DNER: variants seen among roughly 807,000 people sequenced by gnomAD.
The protein encoded by DNER is delta and Notch-like epidermal growth factor-related receptor.
A neutral mutation model predicts 78.2 loss-of-function variants in DNER; 33 were observed. The ratio of observed to expected loss-of-function variants is 0.42; its 90% CI spans 0.32 to 0.56. DNER has a LOEUF of 0.56. DNER is among the 20% of genes least tolerant of loss of function. The pLI is 0.11. For missense variants in DNER, 918 were observed against 975.3 expected (o/e 0.94, Z 0.78); for synonymous variants, 417 against 384.8 (o/e 1.08, Z -0.98).
At chr2:229,606,279 G>A (rs902713150) in intron 1 of DNER, 3 of 151,984 alleles carry the variant, frequency 2.0e-5, no homozygotes, top group African/African-American at 4.8e-5. Flanking sequence ...CAGGCTTTCT[G>A]GTTTTTACAG....
At chr2:229,361,466 G>C (rs1692207903) in intron 12 of DNER, among the ~76,000 whole-genome samples, 1 of 152,164 alleles carries the variant, frequency 6.6e-6, no homozygotes, top group South Asian at 2.1e-4. Flanking sequence ...TAAAGTCTTA[G>C]TTGAACATAG....
chr2:229,404,563 C>A (rs1014299911), intron 10 of DNER, among the ~76,000 whole-genome samples: 4 of 152,122 alleles, frequency 2.6e-5, no homozygotes, highest in East Asian at 1.9e-4. Flanking sequence ...CAAAGCTTAG[C>A]CATATCAGAT....
Position 229,510,285 on chromosome 2 carries a change from A to G in DNER, c.1147+2498T>C, listed in dbSNP as rs549717337. Among the ~76,000 whole-genome samples, 8 of 152,362 alleles carry G rather than the reference A, an allele frequency of 5.3e-5. No individual in the cohort carries two copies. The East Asian group carries it at 1.5e-3, about 29-fold the overall frequency. On this transcript the variant is annotated intron_variant, in intron 6 of 12. Coordinates refer to ENST00000341772, the MANE Select transcript of DNER (RefSeq NM_139072.4). ...TGTGAAGAAGAAGTTTAAGCAGAAA[A>G]GCAACTACATCAGAATCTCACTGCG...
chr2:229,470,751 G>A (rs1694908940), intron 7 of DNER, among the ~76,000 whole-genome samples: 4 of 152,164 alleles, frequency 2.6e-5, no homozygotes, highest in Admixed American at 2.6e-4. Context: ...TCGGGAGGCT[G>A]AAGCAGGAGA....
chr2:229,564,568 TCAA>T lies in DNER; in HGVS notation c.848-17479_848-17477del, dbSNP rs1175683449. 1.2e-3 allele frequency among the ~76,000 whole-genome samples: 185 copies of T among 149,434 alleles called. 1 individual carries two copies. Among genetic ancestry groups the T allele is most frequent in the African/African-American group, 3.9e-3 (157 of 40,498 alleles). On this transcript the variant is annotated intron_variant, in intron 4 of 12. Coordinates refer to ENST00000341772, the MANE Select transcript of DNER (RefSeq NM_139072.4). ...CATCCTCACCCCATTACCATCATCA[TCAA>T]CATCATCACCCCATCACCATCATCA...
intron 1 of DNER, among the ~76,000 whole-genome samples, chr2:229,667,259 C>A (rs914150121): frequency 1.3e-5 from 2 of 152,134 alleles, no homozygotes; most frequent in Admixed American, 1.3e-4. Context: ...AACAACATGC[C>A]CATGGGGTAA....
intron 1 of DNER, among the ~76,000 whole-genome samples, chr2:229,651,740 G>A (rs934578185): frequency 2.0e-5 from 3 of 152,180 alleles, no homozygotes; most frequent in African/African-American, 7.2e-5. Flanking sequence ...TTTGGTAGGT[G>A]ACATCTCAGA....
intron 1 of DNER, among the ~76,000 whole-genome samples, chr2:229,683,471 A>G (rs1246711582): frequency 6.6e-6 from 1 of 152,238 alleles, no homozygotes; most frequent in Non-Finnish European, 1.5e-5. Flanking sequence ...CATTTTTCCC[A>G]GTTTACAAAT....
intron 5 of DNER, among the ~76,000 whole-genome samples, chr2:229,544,771 T>G (rs1696587329): frequency 6.6e-6 from 1 of 152,130 alleles, no homozygotes; most frequent in Non-Finnish European, 1.5e-5. Flanking sequence ...TGACCTCAGG[T>G]GATCCGCCAG....
intron 4 of DNER, among the ~76,000 whole-genome samples, chr2:229,560,745 A>G (rs1696942496): frequency 6.6e-6 from 1 of 152,182 alleles, no homozygotes; most frequent in South Asian, 2.1e-4. Flanking sequence ...CTGAGAGCAA[A>G]CTTGAGCCAG....
At chr2:229,592,116 G>C (rs1244593646) in intron 1 of DNER, among the ~76,000 whole-genome samples, 2 of 152,164 alleles carry the variant, frequency 1.3e-5, no homozygotes, top group Non-Finnish European at 2.9e-5. Context: ...ACAAAGTGGA[G>C]AGCAGCCTCC....
At chr2:229,390,465 G>A (rs760705485) in intron 10 of DNER, among the ~76,000 whole-genome samples, 2 of 152,226 alleles carry the variant, frequency 1.3e-5, no homozygotes, top group South Asian at 2.1e-4. Flanking sequence ...CCCCATGCAC[G>A]TATTAAATCA....
rs571912576 is a variant in DNER at position 229,566,485 on chromosome 2, G to T, written c.847+19373C>A. Among the ~76,000 whole-genome samples, 80 of 152,268 alleles carry T rather than the reference G, an allele frequency of 5.3e-4. 3 individuals are homozygous for T. The highest frequency in any genetic ancestry group is 5.2e-3 in the Admixed American group (80 of 15,278). ...AAGCCCCAGTGGTGCACCATGATTT[G>T]AGAGAAGAAAAACTGTAGATGTATG... On this transcript the variant is annotated intron_variant, in intron 4 of 12. Coordinates refer to ENST00000341772, the MANE Select transcript of DNER (RefSeq NM_139072.4).
At chr2:229,454,072 C>T (rs1031378191) in intron 7 of DNER, among the ~76,000 whole-genome samples, 4 of 152,074 alleles carry the variant, frequency 2.6e-5, no homozygotes, top group South Asian at 2.1e-4. Flanking sequence ...AGATGAGAGA[C>T]GGCATGGAGC....
At chr2:229,415,649 C>T (rs997620045) in intron 9 of DNER, among the ~76,000 whole-genome samples, 2 of 152,178 alleles carry the variant, frequency 1.3e-5, no homozygotes, top group Non-Finnish European at 2.9e-5. Flanking sequence ...ATCTGGATAT[C>T]TTTGTTTTGA....
At chr2:229,427,936 G>A (rs559154644) in intron 8 of DNER, among the ~76,000 whole-genome samples, 2 of 152,052 alleles carry the variant, frequency 1.3e-5, no homozygotes, top group East Asian at 1.9e-4. Flanking sequence ...TTAGCCAGGC[G>A]TGGTGGCACA....
chr2:229,430,680 C>T (rs1453574756), intron 8 of DNER, among the ~76,000 whole-genome samples: 1 of 107,112 alleles, frequency 9.3e-6, no homozygotes, highest in Non-Finnish European at 2.1e-5. Context: ...TGACTTAATA[C>T]TTAGTAAATA....
chr2:229,408,083 C>T (rs886553503), intron 9 of DNER, among the ~76,000 whole-genome samples: 10 of 151,764 alleles, frequency 6.6e-5, no homozygotes, highest in African/African-American at 2.2e-4. Context: ...GCTCAGCACT[C>T]GTTTAACAAA....
intron 5 of DNER, among the ~76,000 whole-genome samples, chr2:229,515,609 C>A (rs1695952999): frequency 6.6e-6 from 1 of 151,524 alleles, no homozygotes. Flanking sequence ...TTATTGAGAG[C>A]CCCAAATCAA....
Sources: allele counts gnomAD v4.1 joint callset (sites outside exome capture counted in the v4.1 genomes callset), GRCh38; gene constraint gnomAD v4.1.1; transcripts MANE v1.5; gene names NCBI Gene and HGNC (gene_info 2026-07-23, HGNC 2026-07-21).